The following SV2C variants were observed in gnomAD, a reference collection of about 807,000 sequenced individuals.
SV2C encodes the protein solute carrier family 22 member B3.
A neutral mutation model predicts 79.7 loss-of-function variants in SV2C; 49 were observed. The ratio of observed to expected loss-of-function variants is 0.61; its 90% CI spans 0.49 to 0.78. The LOEUF is 0.78. Ranked by LOEUF, SV2C falls within the 30% of genes least tolerant of loss-of-function variation. SV2C has a pLI of 0.00. For missense variants in SV2C, 833 were observed against 912.9 expected, an observed-to-expected ratio of 0.91 and a Z score of 1.13; for synonymous variants, 334 against 333.2, an observed-to-expected ratio of 1.00 and a Z score of -0.03.
intron 12 of SV2C, among the ~76,000 whole-genome samples, chr5:76,339,755 C>T (rs1442423628): frequency 2.6e-5 from 4 of 152,036 alleles, no homozygotes; most frequent in African/African-American, 9.7e-5. Context: ...CATTTCTCCT[C>T]CACTTCCCAC....
At chr5:76,156,345 A>G (rs1268039891) in intron 2 of SV2C, among the ~76,000 whole-genome samples, 2 of 152,176 alleles carry the variant, frequency 1.3e-5, no homozygotes, top group Middle Eastern at 3.2e-3. Flanking sequence ...GGGGGGAAGG[A>G]AACAGACTTC....
chr5:75,915,768 C>G, the SV2C span, among the ~76,000 whole-genome samples: 1 of 152,128 alleles, frequency 6.6e-6, no homozygotes. Flanking sequence ...AGACAAGAAG[C>G]TCCAGGAATG....
intron 10 of SV2C, 53 bp downstream of exon 10, chr5:76,298,980 C>G (rs1030402372): frequency 2.5e-6 from 4 of 1,586,856 alleles, no homozygotes; most frequent in Non-Finnish European, 8.6e-7. Context: ...AAAGGGCCCA[C>G]TGTGATAACC....
At chr5:75,885,738 A>G in the SV2C span, among the ~76,000 whole-genome samples, 3 of 152,000 alleles carry the variant, frequency 2.0e-5, no homozygotes, top group Admixed American at 2.0e-4. Context: ...TTGAATCAGG[A>G]GTCTTGTGTC....
At chr5:75,921,312 G>GGTGCTGGCTGGTGGAGCTCACATCCAC in the SV2C span, 1 of 1,344,394 alleles carries the variant, frequency 7.4e-7, no homozygotes, top group South Asian at 1.2e-5. Context: ...ACGAGCTGCA[G>GGTGCTGGCTGGTGGAGCTCACATCCAC]GTGCTGGCTG....
intron 3 of SV2C, among the ~76,000 whole-genome samples, chr5:76,199,642 G>A (rs1281634097): frequency 6.6e-6 from 1 of 152,218 alleles, no homozygotes; most frequent in Non-Finnish European, 1.5e-5. Flanking sequence ...ATGGCAGAGT[G>A]GGCATGGGTA....
chr5:76,283,585 G>T (rs540825484), intron 4 of SV2C, among the ~76,000 whole-genome samples: 15 of 152,152 alleles, frequency 9.9e-5, no homozygotes, highest in Non-Finnish European at 1.9e-4. Flanking sequence ...CCATCATAGG[G>T]TTTTTTTCTG....
the SV2C span, among the ~76,000 whole-genome samples, chr5:75,993,627 C>A: frequency 1.3e-5 from 2 of 152,072 alleles, no homozygotes; most frequent in Non-Finnish European, 2.9e-5. Flanking sequence ...ATATATTTCC[C>A]TGAAACTTTG....
At chr5:76,242,699 C>T (rs1300107681) in intron 4 of SV2C, among the ~76,000 whole-genome samples, 1 of 151,988 alleles carries the variant, frequency 6.6e-6, no homozygotes, top group Non-Finnish European at 1.5e-5. Flanking sequence ...CTGCACTGAC[C>T]ATCTGCATAA....
chr5:75,882,112 A>G, the SV2C span, among the ~76,000 whole-genome samples: 28 of 150,014 alleles, frequency 1.9e-4, no homozygotes, highest in Admixed American at 1.3e-3. Flanking sequence ...ATTGATTTGC[A>G]TATATTGAAC....
chr5:76,080,319 G>T (rs1254888912), upstream of SV2C, among the ~76,000 whole-genome samples: 2 of 152,222 alleles, frequency 1.3e-5, no homozygotes, highest in Non-Finnish European at 2.9e-5. Context: ...TCTGCACTTT[G>T]CTATAGACTC....
At chr5:76,154,266 C>T (rs1208381103) in intron 2 of SV2C, among the ~76,000 whole-genome samples, 1 of 152,190 alleles carries the variant, frequency 6.6e-6, no homozygotes, top group East Asian at 1.9e-4. Context: ...GATCACTCAG[C>T]TTTAGTATCT....
chr5:76,226,244 T>A (rs1745234301), intron 4 of SV2C, among the ~76,000 whole-genome samples: 1 of 151,270 alleles, frequency 6.6e-6, no homozygotes, highest in Non-Finnish European at 1.5e-5. Context: ...GTCCCAGGGG[T>A]CTTGGCTTGA....
At chr5:76,079,708 T>C (rs1308274539), upstream of SV2C, 9 of 297,174 alleles carry the variant, frequency 3.0e-5, no homozygotes. Flanking sequence ...AGATCGTCTA[T>C]GTCCCTTCAA....
intron 4 of SV2C, among the ~76,000 whole-genome samples, chr5:76,210,704 G>T (rs895668919): frequency 3.9e-5 from 6 of 152,176 alleles, no homozygotes; most frequent in African/African-American, 7.2e-5. Context: ...GAGGATGGGG[G>T]TGGAGCTGAA....
intron 1 of SV2C, among the ~76,000 whole-genome samples, chr5:76,101,176 G>A (rs533270127): frequency 1.5e-4 from 23 of 152,212 alleles, no homozygotes; most frequent in African/African-American, 5.5e-4. Flanking sequence ...CTGGGAGAGA[G>A]GACAGAAACA....
intron 2 of SV2C, among the ~76,000 whole-genome samples, chr5:76,148,228 C>T (rs1033540859): frequency 2.6e-5 from 4 of 151,766 alleles, no homozygotes; most frequent in African/African-American, 4.8e-5. Flanking sequence ...TTTTTCAAAC[C>T]GCAAATAGCT....
chr5:76,319,009 CAG>C (rs916819265), intron 12 of SV2C, among the ~76,000 whole-genome samples: 28 of 152,182 alleles, frequency 1.8e-4, no homozygotes, highest in African/African-American at 6.5e-4. Flanking sequence ...TAAGTAAGAA[CAG>C]AGAGTAAATG....
the SV2C span, among the ~76,000 whole-genome samples, chr5:76,030,266 G>GTTTTTTT: frequency 6.2e-3 from 199 of 31,890 alleles, 2 homozygotes; most frequent in African/African-American, 9.5e-3. Flanking sequence ...TCAGAGGCTT[G>GTTTTTTT]TTTTTTTTTT....
Sources: allele counts gnomAD v4.1 joint callset (sites outside exome capture counted in the v4.1 genomes callset), GRCh38; gene constraint gnomAD v4.1.1; transcripts MANE v1.5; gene names NCBI Gene and HGNC (gene_info 2026-07-23, HGNC 2026-07-21).